Variants in LGSN observed in about 807,000 individuals in gnomAD.
LGSN encodes the protein lengsin, lens protein with glutamine synthetase domain.
Under a neutral mutation model 19.5 loss-of-function variants are expected in LGSN, and 21 were observed. That is an observed-to-expected ratio of 1.07 (90% CI 0.76 to 1.55). The LOEUF (loss-of-function observed/expected upper bound fraction) is 1.55, where lower values mean the gene tolerates loss of function less well. Ranked by LOEUF, LGSN falls within the 40% of genes most tolerant of loss-of-function variation. The pLI, the probability that LGSN is intolerant of heterozygous loss-of-function variation, is 0.00. For synonymous variants in LGSN, 257 were observed against 215.6 expected (o/e 1.19, Z -1.68); for missense variants, 673 against 608.5 (o/e 1.11, Z -1.12).
chr6:63,444,049 CATAAT>C, the LGSN span, among the ~76,000 whole-genome samples: 1 of 152,088 alleles, frequency 6.6e-6, no homozygotes, highest in African/African-American at 2.4e-5. Flanking sequence ...TTAACCAACT[CATAAT>C]AGGAGTCACC....
chr6:63,315,322 A>G (rs1768796392), intron 1 of LGSN, among the ~76,000 whole-genome samples: 1 of 152,166 alleles, frequency 6.6e-6, no homozygotes, highest in Non-Finnish European at 1.5e-5. Context: ...AGGATGATTC[A>G]GTCAAAACAG....
chr6:63,505,200 C>T, the LGSN span, among the ~76,000 whole-genome samples: 1 of 149,622 alleles, frequency 6.7e-6, no homozygotes, highest in Non-Finnish European at 1.5e-5. Context: ...ATTGATATCT[C>T]CTCATCCACC....
chr6:63,454,441 C>G, the LGSN span, among the ~76,000 whole-genome samples: 5 of 151,072 alleles, frequency 3.3e-5, no homozygotes, highest in African/African-American at 1.2e-4. Flanking sequence ...GGCTTGAGGC[C>G]AGCTCTATAC....
At chr6:63,517,723 T>A in the LGSN span, among the ~76,000 whole-genome samples, 2 of 152,156 alleles carry the variant, frequency 1.3e-5, no homozygotes, top group African/African-American at 4.8e-5. Context: ...ACAATATGTA[T>A]CACAGACACT....
the LGSN span, among the ~76,000 whole-genome samples, chr6:63,419,879 CCAAAAAAAAAAAAAAAAAAAAAAAAAA>C: frequency 1.7e-4 from 14 of 81,274 alleles, no homozygotes; most frequent in South Asian, 6.4e-3. Flanking sequence ...AAACTCCCTC[CCAAAAAAAAAAAAAAAAAAAAAAAAAA>C]AAAAAAAAAA....
chr6:63,556,582 G>A, the LGSN span, among the ~76,000 whole-genome samples: 2 of 152,162 alleles, frequency 1.3e-5, no homozygotes, highest in African/African-American at 4.8e-5. Flanking sequence ...AATGCATAAT[G>A]GGAGGATGAT....
At chr6:63,562,791 AGT>A in the LGSN span, among the ~76,000 whole-genome samples, 2 of 152,168 alleles carry the variant, frequency 1.3e-5, no homozygotes, top group Non-Finnish European at 2.9e-5. Context: ...CCTCAGAAAT[AGT>A]GTCTTTCTCT....
At chr6:63,515,277 G>A in the LGSN span, among the ~76,000 whole-genome samples, 6 of 152,084 alleles carry the variant, frequency 3.9e-5, no homozygotes, top group Non-Finnish European at 7.4e-5. Context: ...TGTCACCCAG[G>A]CTAGCGTGCA....
chr6:63,280,344 T>A lies in LGSN; in HGVS notation c.1207A>T (p.Thr403Ser), dbSNP rs1412654802. 2.5e-6 allele frequency: 4 copies of A among 1,614,082 alleles called. No homozygotes were observed. In the African/African-American group the frequency reaches 5.3e-5, roughly 22 times the overall value. The stretch of plus-strand genomic sequence containing the variant: ...GAGCCTAGTTTATTTTCTATCCGGG[T>A]GCCTTTCTCTCCATGACATTTGATA... ...FNIKCHGEKGTRIENKLGSAT... is the reference protein window; with the variant it reads ...FNIKCHGEKGSRIENKLGSAT... The change falls in exon 4 of 4, where the codon ACC becomes TCC. Residue 403 changes from threonine to serine, a missense_variant. Physicochemically the swap from Thr to Ser is moderately conservative, Grantham distance 58. Coordinates refer to ENST00000370657, the MANE Select transcript of LGSN (RefSeq NM_016571.3).
At chr6:63,420,151 C>T in the LGSN span, among the ~76,000 whole-genome samples, 5 of 150,478 alleles carry the variant, frequency 3.3e-5, no homozygotes, top group East Asian at 9.8e-4. Flanking sequence ...TGCAGTGAGC[C>T]GAGATCGCAC....
At chr6:63,323,302 G>T (rs1769130554), upstream of LGSN, among the ~76,000 whole-genome samples, 1 of 152,128 alleles carries the variant, frequency 6.6e-6, no homozygotes, top group Admixed American at 6.6e-5. Flanking sequence ...CATGAATATA[G>T]TGCATAGTGG....
the LGSN span, among the ~76,000 whole-genome samples, chr6:63,546,949 T>G: frequency 6.6e-6 from 1 of 152,206 alleles, no homozygotes; most frequent in Non-Finnish European, 1.5e-5. Context: ...ATAAATATAT[T>G]TAATTTTTGT....
At chr6:63,508,757 A>G in the LGSN span, among the ~76,000 whole-genome samples, 1 of 151,800 alleles carries the variant, frequency 6.6e-6, no homozygotes. Flanking sequence ...CCTCTACTAA[A>G]AAAACAAAAA....
At chr6:63,462,754 T>G in the LGSN span, among the ~76,000 whole-genome samples, 2 of 150,736 alleles carry the variant, frequency 1.3e-5, no homozygotes, top group East Asian at 3.9e-4. Flanking sequence ...TGCCATAAGT[T>G]CAAATTTGAT....
At chr6:63,482,871 T>C in the LGSN span, among the ~76,000 whole-genome samples, 1 of 152,072 alleles carries the variant, frequency 6.6e-6, no homozygotes, top group Non-Finnish European at 1.5e-5. Flanking sequence ...CTGCTAACTT[T>C]TGTATTTTTA....
chr6:63,388,387 C>G, the LGSN span, among the ~76,000 whole-genome samples: 3 of 152,092 alleles, frequency 2.0e-5, no homozygotes, highest in Non-Finnish European at 4.4e-5. Flanking sequence ...TGCTGAAGTT[C>G]TAATCCTCAG....
chr6:63,340,838 TTGTGTGTGTGTGTG>T, the LGSN span, among the ~76,000 whole-genome samples: 1 of 146,720 alleles, frequency 6.8e-6, no homozygotes, highest in Non-Finnish European at 1.5e-5. Flanking sequence ...TTTTTATGGT[TTGTGTGTGTGTGTG>T]TGTGTGTGTG....
At chr6:63,293,698 C>T (rs774416853) in intron 2 of LGSN, 2 of 455,604 alleles carry the variant, frequency 4.4e-6, no homozygotes, top group Non-Finnish European at 8.8e-6. Context: ...CCTCCAGGAA[C>T]ATTGGTTGTT....
the LGSN span, among the ~76,000 whole-genome samples, chr6:63,380,283 T>C: frequency 6.6e-6 from 1 of 152,236 alleles, no homozygotes; most frequent in Non-Finnish European, 1.5e-5. Flanking sequence ...TTCCTCCTGT[T>C]GAATTTCTGT....
Sources: allele counts gnomAD v4.1 joint callset (sites outside exome capture counted in the v4.1 genomes callset), GRCh38; gene constraint gnomAD v4.1.1; transcripts MANE v1.5; gene names NCBI Gene and HGNC (gene_info 2026-07-23, HGNC 2026-07-21).